The following SEC24B variants were observed in gnomAD, a reference collection of about 807,000 sequenced individuals.
SEC24B encodes the protein protein transport protein Sec24B.
Under a neutral mutation model 142.8 loss-of-function variants are expected in SEC24B, and 45 were observed. That is an observed-to-expected ratio of 0.32 (90% confidence interval 0.25 to 0.40). The LOEUF (loss-of-function observed/expected upper bound fraction) is 0.40. Among genes scored for constraint, SEC24B ranks in the 10% least tolerant of loss-of-function variants. The pLI is 1.00. For synonymous variants in SEC24B, 574 were observed against 568.2 expected, an observed-to-expected ratio of 1.01 and a Z score of -0.15; for missense variants, 1,409 against 1,526.8, an observed-to-expected ratio of 0.92 and a Z score of 1.29.
chr4:109,520,766 G>C (rs1723519057), intron 12 of SEC24B, among the ~76,000 whole-genome samples: 1 of 152,206 alleles, frequency 6.6e-6, no homozygotes, highest in South Asian at 2.1e-4. Flanking sequence ...GCTGAGGTGG[G>C]TGGATCACCT....
intron 8 of SEC24B, among the ~76,000 whole-genome samples, chr4:109,510,354 CAG>C (rs1041769867): frequency 2.6e-5 from 4 of 152,142 alleles, no homozygotes; most frequent in African/African-American, 9.7e-5. Flanking sequence ...TCTTATCTAA[CAG>C]GGAACAAAGA....
intron 22 of SEC24B, among the ~76,000 whole-genome samples, chr4:109,535,393 A>G (rs1023780687): frequency 6.6e-6 from 1 of 151,848 alleles, no homozygotes; most frequent in Admixed American, 6.6e-5. Context: ...TTCTATTAAA[A>G]AATACAAAAA....
intron 4 of SEC24B, among the ~76,000 whole-genome samples, chr4:109,483,512 A>G (rs557333652): frequency 1.2e-4 from 18 of 152,152 alleles, no homozygotes; most frequent in Non-Finnish European, 2.4e-4. Context: ...TGAAGCATTT[A>G]AGATTTTGGA....
At position 109,510,109 on chromosome 4, in the gene SEC24B, A is replaced by G; in HGVS notation, c.1774A>G (p.Thr592Ala). Residue 592 changes from threonine (T) to alanine (A), a missense_variant and splice_region_variant, in exon 8 of 24, where the codon ACG (threonine) becomes GCG (alanine). Thr to Ala is a moderately conservative substitution (Grantham distance 58, BLOSUM62 0). Around this residue, in one of 2 missense-constraint regions of SEC24B, gnomAD observed 700 missense variants for 853.3 expected, o/e 0.82. Transcript: ENST00000265175. Reference sequence around the variant, plus strand: ...GTTGTTACATCCCTTCAGAGACCTAACGGTAAAGTAACATTTTATAATATT... The same window carrying G: ...GTTGTTACATCCCTTCAGAGACCTAGCGGTAAAGTAACATTTTATAATATT... ...GLLLHPFRDL[T>A]QLPVITSNTI... 2 of 1,550,884 alleles carry G rather than the reference A, an allele frequency of 1.3e-6. No individual in the cohort carries two copies. Among genetic ancestry groups the G allele is most frequent in the Non-Finnish European group, 1.8e-6 (2 of 1,131,696 alleles).
intron 14 of SEC24B, among the ~76,000 whole-genome samples, chr4:109,524,342 C>T (rs914353332): frequency 2.6e-5 from 4 of 152,042 alleles, no homozygotes; most frequent in African/African-American, 9.7e-5. Context: ...AACTTGGAGA[C>T]TCTCTCCAGT....
chr4:109,499,576 T>C (rs1277819177), intron 6 of SEC24B, among the ~76,000 whole-genome samples: 2 of 152,202 alleles, frequency 1.3e-5, no homozygotes, highest in Admixed American at 1.3e-4. Flanking sequence ...TTTTAGTCAA[T>C]GATGGACCAC....
chr4:109,459,779 A>G (rs1731072814), intron 1 of SEC24B, among the ~76,000 whole-genome samples: 1 of 152,208 alleles, frequency 6.6e-6, no homozygotes, highest in Non-Finnish European at 1.5e-5. Flanking sequence ...ATCATGTAGC[A>G]TGGATATGCC....
intron 14 of SEC24B, among the ~76,000 whole-genome samples, chr4:109,523,347 G>A (rs930533585): frequency 1.3e-5 from 2 of 152,050 alleles, no homozygotes; most frequent in South Asian, 2.1e-4. Flanking sequence ...ATGCAAGCCT[G>A]TAATCCCAGC....
intron 2 of SEC24B, among the ~76,000 whole-genome samples, chr4:109,464,385 C>T (rs1318978216): frequency 1.3e-5 from 2 of 151,588 alleles, no homozygotes; most frequent in South Asian, 4.2e-4. Flanking sequence ...TGGGCTCAAG[C>T]GATCCTCCCA....
intron 22 of SEC24B, among the ~76,000 whole-genome samples, chr4:109,535,359 C>G (rs1368374278): frequency 1.3e-5 from 2 of 151,962 alleles, no homozygotes; most frequent in African/African-American, 4.8e-5. Context: ...CAAGACCATC[C>G]TGGCCAACAT....
intron 1 of SEC24B, among the ~76,000 whole-genome samples, chr4:109,454,579 A>C (rs559506495): frequency 6.6e-5 from 10 of 152,030 alleles, no homozygotes; most frequent in African/African-American, 1.9e-4. Context: ...AAACTCCAAA[A>C]TGAAGGCCTC....
intron 6 of SEC24B, among the ~76,000 whole-genome samples, chr4:109,501,235 C>T (rs1324407142): frequency 6.6e-6 from 1 of 152,170 alleles, no homozygotes; most frequent in Non-Finnish European, 1.5e-5. Context: ...AGTAACAGTG[C>T]TGTACAGGTT....
At chr4:109,453,585 G>A (rs1388570389) in intron 1 of SEC24B, among the ~76,000 whole-genome samples, 1 of 151,882 alleles carries the variant, frequency 6.6e-6, no homozygotes, top group Non-Finnish European at 1.5e-5. Context: ...AGACTTTAAG[G>A]TTATCTCCCT....
intron 18 of SEC24B, among the ~76,000 whole-genome samples, 169 bp downstream of exon 18, chr4:109,527,601 T>A (rs1256629984): frequency 6.6e-6 from 1 of 152,080 alleles, no homozygotes; most frequent in East Asian, 1.9e-4. Context: ...TGAAACCCCA[T>A]CTCTACTAAA....
intron 1 of SEC24B, among the ~76,000 whole-genome samples, chr4:109,437,320 T>C (rs569545208): frequency 7.9e-5 from 12 of 152,320 alleles, no homozygotes; most frequent in Non-Finnish European, 1.2e-4. Flanking sequence ...GGTGTCACTC[T>C]GCCACCCAGG....
rs1049725549 is a variant in SEC24B at position 109,463,462 on chromosome 4, C to T, written c.695C>T (p.Thr232Ile). The T allele has an allele frequency of 3.1e-6, 5 of 1,614,072 alleles. No individual in the cohort carries two copies. In the African/African-American group the frequency reaches 4.0e-5, roughly 13 times the overall value. ...GATAATTCATTCTCTGGTCAAAATA[C>T]AGCTATCAGCCATCCATCGCCACTT... Reference protein sequence around the residue: ...VKDNSFSGQNTAISHPSPLPP... With the variant: ...VKDNSFSGQNIAISHPSPLPP... The change falls in exon 2 of 24, where the codon ACA becomes ATA. Residue 232 changes from threonine (T) to isoleucine (I), a missense_variant. Around this residue, in one of 2 missense-constraint regions of SEC24B, gnomAD observed 709 missense variants for 673.5 expected, o/e 1.05. Coordinates refer to ENST00000265175, the MANE Select transcript of SEC24B (RefSeq NM_006323.5).
chr4:109,455,667 T>A (rs2125918027), intron 1 of SEC24B, among the ~76,000 whole-genome samples: 1 of 152,384 alleles, frequency 6.6e-6, no homozygotes, highest in East Asian at 1.9e-4. Flanking sequence ...TTTCCTCAAT[T>A]GCATTGCCTT....
Position 109,540,634 on chromosome 4 carries a change from G to C in SEC24B, c.*959G>C, listed in dbSNP as rs1726077824. 6.6e-6 allele frequency: 1 copy of C among 152,184 alleles called. No individual in the cohort carries two copies. The highest frequency in any genetic ancestry group is 2.4e-5 in the African/African-American group (1 of 41,416). 9.4% of individuals were successfully genotyped at this position (152,184 alleles called of 1,614,324 possible). ...GCGGTGGCTCACGCCTGTAATCCCA[G>C]CGCTTTGGGAGGCCAAGGTGGGCAG... On this transcript the variant is annotated 3_prime_UTR_variant, in exon 24 of 24. Coordinates refer to ENST00000265175, the MANE Select transcript of SEC24B (RefSeq NM_006323.5).
intron 3 of SEC24B, among the ~76,000 whole-genome samples, chr4:109,474,769 T>C (rs1732924212): frequency 1.3e-5 from 2 of 152,238 alleles, no homozygotes; most frequent in Non-Finnish European, 2.9e-5. Flanking sequence ...AATACCATCC[T>C]ATCATCTTTT....
Sources: allele counts gnomAD v4.1 joint callset (sites outside exome capture counted in the v4.1 genomes callset), GRCh38; gene constraint gnomAD v4.1.1; regional missense constraint gnomAD v4.1.1; transcripts MANE v1.5; gene names NCBI Gene and HGNC (gene_info 2026-07-23, HGNC 2026-07-21).